Variants in COMMD10 observed in about 807,000 individuals in gnomAD.
COMMD10 encodes COMM domain-containing protein 10.
Under a neutral mutation model 28.9 loss-of-function variants are expected in COMMD10, and 33 were observed. The observed-to-expected ratio is 1.14, with a 90% confidence interval of 0.87 to 1.53. The LOEUF (loss-of-function observed/expected upper bound fraction) is 1.53. Ranked by LOEUF, COMMD10 falls within the 40% of genes most tolerant of loss-of-function variation. COMMD10 has a pLI of 0.00. For missense variants in COMMD10, 310 were observed against 233.4 expected, an observed-to-expected ratio of 1.33 and a Z score of -2.14; for synonymous variants, 110 against 81.7, an observed-to-expected ratio of 1.35 and a Z score of -1.87.
intron 5 of COMMD10, among the ~76,000 whole-genome samples, chr5:116,167,652 G>C (rs566871990): frequency 6.6e-6 from 1 of 152,152 alleles, no homozygotes; most frequent in African/African-American, 2.4e-5. Context: ...AACCCTACAA[G>C]CCAGAAGAGA....
intron 5 of COMMD10, among the ~76,000 whole-genome samples, chr5:116,245,246 A>C (rs193105748): frequency 6.6e-6 from 1 of 152,222 alleles, no homozygotes; most frequent in Non-Finnish European, 1.5e-5. Flanking sequence ...GAACATCTAG[A>C]AGCAATGGAT....
chr5:116,087,382 C>T (rs1204362619), intron 1 of COMMD10, 115 bp from the exon 2 acceptor site: 1 of 600,308 alleles, frequency 1.7e-6, no homozygotes, highest in East Asian at 2.8e-5. Context: ...TTATTTCACT[C>T]AGATTTACCA....
intron 4 of COMMD10, among the ~76,000 whole-genome samples, chr5:116,115,620 A>G (rs1258846864): frequency 2.6e-5 from 4 of 152,180 alleles, no homozygotes; most frequent in African/African-American, 7.2e-5. Flanking sequence ...TGTTCATAAC[A>G]TTTATTAAAT....
At chr5:116,224,978 T>G in intron 5 of COMMD10, among the ~76,000 whole-genome samples, 1 of 152,316 alleles carries the variant, frequency 6.6e-6, no homozygotes, top group South Asian at 2.1e-4. Context: ...ACTTTAACAT[T>G]TTATATAATA....
chr5:116,148,041 G>A (rs551921021), intron 5 of COMMD10, among the ~76,000 whole-genome samples: 1 of 151,572 alleles, frequency 6.6e-6, no homozygotes, highest in African/African-American at 2.4e-5. Context: ...TCTTTTTTTG[G>A]TAAATATAAT....
rs1338861452 is a variant in COMMD10 at position 116,291,560 on chromosome 5, T to A, written c.554T>A (p.Phe185Tyr). The A allele has an allele frequency of 1.3e-6, 2 of 1,591,156 alleles. No homozygotes were observed. Among genetic ancestry groups the A allele is most frequent in the Non-Finnish European group, 1.7e-6 (2 of 1,164,090 alleles). Reference sequence around the variant, plus strand: ...GTGGAATTCAGTCACAAGGAGTTGTTTGATTTCTATAACAAGGTCTGTATT... The same window carrying A: ...GTGGAATTCAGTCACAAGGAGTTGTATGATTTCTATAACAAGGTCTGTATT... Reference protein sequence around the residue: ...VLVEFSHKELFDFYNKLETIQ... With the variant: ...VLVEFSHKELYDFYNKLETIQ... Residue 185 changes from phenylalanine to tyrosine, a missense_variant, in exon 6 of 7, where the codon TTT becomes TAT. Coordinates refer to ENST00000274458, the MANE Select transcript of COMMD10 (RefSeq NM_016144.4).
At chr5:116,278,274 A>G (rs957250178) in intron 5 of COMMD10, among the ~76,000 whole-genome samples, 2 of 151,828 alleles carry the variant, frequency 1.3e-5, no homozygotes, top group Non-Finnish European at 2.9e-5. Context: ...TCAAATAATC[A>G]TATTCAAAAC....
chr5:116,176,709 T>C (rs1186612827), intron 5 of COMMD10, among the ~76,000 whole-genome samples: 2 of 152,158 alleles, frequency 1.3e-5, no homozygotes, highest in Non-Finnish European at 2.9e-5. Context: ...TTATTATTTT[T>C]AAAAAATTTC....
At chr5:116,173,914 A>T (rs1022352444) in intron 5 of COMMD10, among the ~76,000 whole-genome samples, 4 of 146,174 alleles carry the variant, frequency 2.7e-5, no homozygotes, top group African/African-American at 1.1e-4. Flanking sequence ...TTAATTCTTT[A>T]TTCAACAAAC....
At position 116,151,294 on chromosome 5, in the gene COMMD10, C is replaced by T. The variant is rs897577523; in HGVS notation, c.510+17116C>T. Reference sequence around the variant, plus strand: ...TATTGAGGATTTTTGCATCAATGTTCATCAAGCATATTGGTCTAAAATTCT... The same window carrying T: ...TATTGAGGATTTTTGCATCAATGTTTATCAAGCATATTGGTCTAAAATTCT... On this transcript the variant is annotated intron_variant, in intron 5 of 6. Transcript: ENST00000274458. 7.9e-3 allele frequency among the ~76,000 whole-genome samples: 1,193 copies of T among 151,964 alleles called. 15 individuals are homozygous for T. The highest frequency in any genetic ancestry group is 0.027 in the African/African-American group (1,103 of 41,376).
At chr5:116,176,424 CA>C (rs1753514286) in intron 5 of COMMD10, among the ~76,000 whole-genome samples, 1 of 152,162 alleles carries the variant, frequency 6.6e-6, no homozygotes, top group East Asian at 1.9e-4. Flanking sequence ...TGGACTTATT[CA>C]CTGTTCTGCT....
At chr5:116,151,450 G>A (rs1051489419) in intron 5 of COMMD10, among the ~76,000 whole-genome samples, 6 of 152,164 alleles carry the variant, frequency 3.9e-5, no homozygotes, top group Non-Finnish European at 7.4e-5. Context: ...GTTCCTCCTC[G>A]TACCTCTGGT....
intron 5 of COMMD10, among the ~76,000 whole-genome samples, chr5:116,265,513 T>A (rs1561399443): frequency 6.6e-6 from 1 of 151,792 alleles, no homozygotes; most frequent in Non-Finnish European, 1.5e-5. Flanking sequence ...ATATGAGAGT[T>A]TGTGTTTTCC....
chr5:116,152,551 C>T (rs1188411172), intron 5 of COMMD10, among the ~76,000 whole-genome samples: 1 of 149,892 alleles, frequency 6.7e-6, no homozygotes, highest in East Asian at 1.9e-4. Context: ...CAAAACACCC[C>T]ATTGAGGCAA....
intron 5 of COMMD10, among the ~76,000 whole-genome samples, chr5:116,265,892 C>T (rs1287028710): frequency 2.0e-5 from 3 of 151,632 alleles, no homozygotes; most frequent in Non-Finnish European, 4.4e-5. Flanking sequence ...AAGATCCTAC[C>T]CTTAAGAACC....
At chr5:116,206,483 T>C (rs1748816571) in intron 5 of COMMD10, among the ~76,000 whole-genome samples, 1 of 152,040 alleles carries the variant, frequency 6.6e-6, no homozygotes, top group Admixed American at 6.6e-5. Context: ...AAACCCAGTT[T>C]CCACTAAAAA....
chr5:116,173,551 A>C (rs1049363870), intron 5 of COMMD10, among the ~76,000 whole-genome samples: 2 of 152,160 alleles, frequency 1.3e-5, no homozygotes, highest in African/African-American at 4.8e-5. Context: ...TTTTTTAAAA[A>C]AGACTATTTC....
chr5:116,176,723 G>C (rs1753525403), intron 5 of COMMD10, among the ~76,000 whole-genome samples: 1 of 151,984 alleles, frequency 6.6e-6, no homozygotes, highest in Non-Finnish European at 1.5e-5. Flanking sequence ...AAATTTCCTA[G>C]TTATTGATTC....
chr5:116,174,756 C>T (rs1753445570), intron 5 of COMMD10, among the ~76,000 whole-genome samples: 1 of 152,222 alleles, frequency 6.6e-6, no homozygotes, highest in East Asian at 1.9e-4. Flanking sequence ...GAAATCCTTT[C>T]CTAACCATGT....
Sources: gnomAD v4.1 joint callset for allele counts (sites outside exome capture counted in the v4.1 genomes callset) on GRCh38, gnomAD v4.1.1 for gene constraint, MANE v1.5 for transcripts, NCBI Gene and HGNC (gene_info 2026-07-23, HGNC 2026-07-21) for gene names.